BMPR1A: variants seen among roughly 807,000 people sequenced by gnomAD.
BMPR1A encodes the protein bone morphogenetic protein receptor type-1A.
A neutral mutation model predicts 66.0 loss-of-function variants in BMPR1A; 7 were observed. That is an observed-to-expected ratio of 0.11 (90% CI 0.06 to 0.20). BMPR1A has a LOEUF of 0.20. BMPR1A is among the 10% of genes least tolerant of loss of function. The probability of loss-of-function intolerance (pLI) is 1.00; values close to 1 mark genes in which losing one functional copy is unlikely to be tolerated. For missense variants in BMPR1A, 408 were observed against 669.1 expected (o/e 0.61, Z 4.31); for synonymous variants, 200 against 229.7 (o/e 0.87, Z 1.17).
chr10:86,781,184 ATTTCT>A (rs969857339), intron 1 of BMPR1A, among the ~76,000 whole-genome samples: 2 of 151,890 alleles, frequency 1.3e-5, no homozygotes, highest in African/African-American at 4.8e-5. Flanking sequence ...TAGGTCTTTG[ATTTCT>A]TTTGAGTTGA....
At chr10:86,843,345 A>T (rs1842448385) in intron 2 of BMPR1A, 1 of 151,908 alleles carries the variant, frequency 6.6e-6, no homozygotes, top group Admixed American at 6.6e-5. Context: ...TATTGCTTTG[A>T]CTCTAAATAT....
In BMPR1A at chr10:86,880,410, T is replaced by C. The variant is rs375412594; in HGVS notation, c.67+4325T>C. Among the ~76,000 whole-genome samples the C allele has an allele frequency of 6.2e-4, 94 of 152,320 alleles. 5 individuals are homozygous for C. The South Asian group carries it at 0.013, about 22-fold the overall frequency. ...TGTAGCACTTACCTATGAATAAATATTAAAATAGTACCAAATGTCAGTATT... is the reference window on the plus strand; with the variant it reads ...TGTAGCACTTACCTATGAATAAATACTAAAATAGTACCAAATGTCAGTATT... On this transcript the variant is annotated intron_variant, in intron 3 of 12. Coordinates refer to ENST00000372037, the MANE Select transcript of BMPR1A (RefSeq NM_004329.3).
chr10:86,816,532 C>T (rs1228955615), intron 1 of BMPR1A, among the ~76,000 whole-genome samples: 1 of 152,182 alleles, frequency 6.6e-6, no homozygotes, highest in African/African-American at 2.4e-5. Flanking sequence ...GAGGAGTACA[C>T]TACAGATGGG....
intron 1 of BMPR1A, among the ~76,000 whole-genome samples, chr10:86,822,673 G>A (rs1842137127): frequency 6.6e-6 from 1 of 151,612 alleles, no homozygotes; most frequent in South Asian, 2.1e-4. Context: ...GTCTTACTCT[G>A]TCACCCAGGC....
chr10:86,818,352 C>G (rs558241171), intron 1 of BMPR1A, among the ~76,000 whole-genome samples: 31 of 152,232 alleles, frequency 2.0e-4, no homozygotes, highest in African/African-American at 7.2e-4. Flanking sequence ...AAGAGGTCTT[C>G]AGACTGCTTT....
intron 1 of BMPR1A, among the ~76,000 whole-genome samples, chr10:86,829,924 GA>G (rs1010607748): frequency 4.0e-5 from 6 of 150,694 alleles, no homozygotes; most frequent in African/African-American, 1.2e-4. Flanking sequence ...TGCTGTTAAA[GA>G]AAAAAAAATT....
chr10:86,922,426 C>T (rs185568724), intron 11 of BMPR1A, among the ~76,000 whole-genome samples: 199 of 152,220 alleles, frequency 1.3e-3, no homozygotes, highest in Non-Finnish European at 2.5e-3. Flanking sequence ...CCTAGGAGTG[C>T]AATTGCTGGC....
Position 86,926,923 on chromosome 10 carries a change from T to C in BMPR1A, c.*3204T>C. On this transcript the variant is annotated 3_prime_UTR_variant, in exon 13 of 13. Transcript: ENST00000372037. Reference sequence around the variant, plus strand: ...ATTAGGGTTTCCTTCAGTTTGTTTATTCTAAGCTTTTACTGTGCTTTTTAC... The same window carrying C: ...ATTAGGGTTTCCTTCAGTTTGTTTACTCTAAGCTTTTACTGTGCTTTTTAC... The C allele has an allele frequency of 5.2e-6, 1 of 191,924 alleles. No individual in the cohort carries two copies. The highest frequency in any genetic ancestry group is 2.3e-5 in the African/African-American group (1 of 43,174). 11.9% of individuals were successfully genotyped at this position (191,924 alleles called of 1,614,324 possible).
chr10:86,897,145 T>C (rs1843234855), intron 5 of BMPR1A, among the ~76,000 whole-genome samples: 1 of 152,242 alleles, frequency 6.6e-6, no homozygotes, highest in Non-Finnish European at 1.5e-5. Context: ...GTCAGTTCCT[T>C]CCTCATATAC....
chr10:86,880,542 C>T (rs1842973521), intron 3 of BMPR1A, among the ~76,000 whole-genome samples: 1 of 152,130 alleles, frequency 6.6e-6, no homozygotes, highest in African/African-American at 2.4e-5. Context: ...CAGTGGCTAC[C>T]ACCGTGTACT....
At chr10:86,806,055 A>ATTTTCTT (rs1177013976) in intron 1 of BMPR1A, among the ~76,000 whole-genome samples, 1 of 152,098 alleles carries the variant, frequency 6.6e-6, no homozygotes, top group African/African-American at 2.4e-5. Context: ...TTTGAAGAAC[A>ATTTTCTT]CCAGGCCAGT....
At chr10:86,908,514 A>T (rs1843429722) in intron 7 of BMPR1A, among the ~76,000 whole-genome samples, 1 of 152,102 alleles carries the variant, frequency 6.6e-6, no homozygotes, top group Admixed American at 6.5e-5. Context: ...CAAGTTTCAA[A>T]TTCCTTCAGT....
chr10:86,890,353 A>G (rs1801520278), intron 4 of BMPR1A, 129 bp downstream of exon 4: 1 of 1,137,088 alleles, frequency 8.8e-7, no homozygotes, highest in African/African-American at 1.6e-5. Context: ...AGAAAGCCAA[A>G]AAGCCTTTTG....
chr10:86,786,892 C>A (rs1841525842), intron 1 of BMPR1A, among the ~76,000 whole-genome samples: 1 of 152,188 alleles, frequency 6.6e-6, no homozygotes, highest in African/African-American at 2.4e-5. Flanking sequence ...CTATTTTCTT[C>A]TGCTTTAACA....
chr10:86,782,787 C>G (rs1841457409), intron 1 of BMPR1A, among the ~76,000 whole-genome samples: 1 of 151,698 alleles, frequency 6.6e-6, no homozygotes, highest in Admixed American at 6.6e-5. Context: ...CAAATATTTT[C>G]TCTCATTCTG....
At chr10:86,894,030 C>T (rs1843192826) in intron 5 of BMPR1A, among the ~76,000 whole-genome samples, 1 of 152,222 alleles carries the variant, frequency 6.6e-6, no homozygotes, top group African/African-American at 2.4e-5. Flanking sequence ...CCATAATGAC[C>T]TCAACTGCTC....
At chr10:86,857,003 C>T (rs1473554596) in intron 2 of BMPR1A, among the ~76,000 whole-genome samples, 1 of 152,194 alleles carries the variant, frequency 6.6e-6, no homozygotes, top group Non-Finnish European at 1.5e-5. Flanking sequence ...GCTCTCTTCT[C>T]CTGGGATCAG....
At chr10:86,801,866 C>T (rs1296360032) in intron 1 of BMPR1A, among the ~76,000 whole-genome samples, 1 of 152,096 alleles carries the variant, frequency 6.6e-6, no homozygotes, top group Non-Finnish European at 1.5e-5. Flanking sequence ...GCACCCGCCA[C>T]CATGCCCGGC....
chr10:86,904,440 C>T (rs1435492345), intron 7 of BMPR1A, among the ~76,000 whole-genome samples: 3 of 152,156 alleles, frequency 2.0e-5, no homozygotes, highest in African/African-American at 4.8e-5. Context: ...AGATAGCGAA[C>T]CAACATCTTT....
Sources: allele counts gnomAD v4.1 joint callset (sites outside exome capture counted in the v4.1 genomes callset), GRCh38; gene constraint gnomAD v4.1.1; transcripts MANE v1.5; gene names NCBI Gene and HGNC (gene_info 2026-07-23, HGNC 2026-07-21).